CCDC144A: variants seen among roughly 807,000 people sequenced by gnomAD.
CCDC144A encodes the protein coiled-coil domain-containing protein 144A.
Under a neutral mutation model 143.8 loss-of-function variants are expected in CCDC144A, and 41 were observed. That is an observed-to-expected ratio of 0.29 (90% CI 0.22 to 0.37). The LOEUF is 0.37. Among genes scored for constraint, CCDC144A ranks in the 10% least tolerant of loss-of-function variants. The pLI is 1.00. For synonymous variants in CCDC144A, 242 were observed against 517.9 expected (o/e 0.47, Z 7.23); for missense variants, 637 against 1,488.8 (o/e 0.43, Z 9.41).
upstream of CCDC144A, among the ~76,000 whole-genome samples, chr17:16,688,484 GTTTTTTTTTTTTT>G (rs66493875): frequency 1.4e-5 from 1 of 71,622 alleles, no homozygotes; most frequent in Non-Finnish European, 2.6e-5. Flanking sequence ...TTCTTTTTCT[GTTTTTTTTTTTTT>G]TTTTTTTTTT....
intron 12 of CCDC144A, among the ~76,000 whole-genome samples, chr17:16,747,484 T>C (rs1914590635): frequency 6.6e-6 from 1 of 152,266 alleles, no homozygotes; most frequent in Non-Finnish European, 1.5e-5. Flanking sequence ...GGAATGGTAT[T>C]GAATCTGTAG....
chr17:16,714,651 T>G (rs570865295), intron 6 of CCDC144A, among the ~76,000 whole-genome samples: 136 of 152,286 alleles, frequency 8.9e-4, no homozygotes, highest in Non-Finnish European at 1.4e-3. Context: ...CTGTTTTTTT[T>G]TTTTAAAGAA....
chr17:16,667,347 A>AG, the CCDC144A span, among the ~76,000 whole-genome samples: 31 of 119,806 alleles, frequency 2.6e-4, no homozygotes, highest in East Asian at 1.6e-3. Flanking sequence ...GCGGCTGAGG[A>AG]GCTGAGGGGC....
the CCDC144A span, among the ~76,000 whole-genome samples, chr17:16,674,265 A>G: frequency 4.6e-5 from 7 of 151,926 alleles, no homozygotes; most frequent in African/African-American, 1.7e-4. Flanking sequence ...AATTACAAAA[A>G]TTGTCCAGGC....
chr17:16,668,701 G>A, the CCDC144A span, among the ~76,000 whole-genome samples: 1 of 152,056 alleles, frequency 6.6e-6, no homozygotes, highest in Non-Finnish European at 1.5e-5. Flanking sequence ...GTATTTACAT[G>A]CTGTATTAGT....
intron 8 of CCDC144A, among the ~76,000 whole-genome samples, chr17:16,725,002 ATTTTTTTTTTT>A (rs1167527388): frequency 3.5e-4 from 13 of 37,284 alleles, no homozygotes; most frequent in African/African-American, 5.0e-4. Flanking sequence ...ATAGCTGGTA[ATTTTTTTTTTT>A]TTTTTTTTTT....
the CCDC144A span, among the ~76,000 whole-genome samples, chr17:16,675,286 G>T: frequency 2.8e-5 from 4 of 144,846 alleles, no homozygotes; most frequent in African/African-American, 1.0e-4. Context: ...AAAAAAAAAA[G>T]TGGATTTTTA....
intron 12 of CCDC144A, among the ~76,000 whole-genome samples, chr17:16,750,436 C>G (rs1039668303): frequency 3.4e-5 from 5 of 145,092 alleles, no homozygotes; most frequent in African/African-American, 1.4e-4. Context: ...AAGGTTTTTG[C>G]CAGAAAGAGG....
rs559856022 is a variant in CCDC144A at position 16,753,344 on chromosome 17, T to C, written c.3373-8081T>C. The stretch of plus-strand genomic sequence containing the variant: ...TAGACTGCTTTCAGTAATAAGGTCA[T>C]TTAACCAATATTCTTCCAGTCCATG... On this transcript the variant is annotated intron_variant, in intron 12 of 16. Transcript: ENST00000399273. Among the ~76,000 whole-genome samples the C allele has an allele frequency of 2.0e-5, 3 of 152,086 alleles. No homozygotes were observed. The South Asian group carries it at 6.2e-4, about 32-fold the overall frequency.
rs1477061768 is a variant in CCDC144A at position 16,709,230 on chromosome 17, T to A, written c.1173T>A (p.Ser391=). The A allele has an allele frequency of 5.6e-6, 9 of 1,611,648 alleles. No individual in the cohort carries two copies. The highest frequency in any genetic ancestry group is 7.6e-6 in the Non-Finnish European group (9 of 1,179,676). Residue 391 remains serine, a synonymous_variant, in exon 5 of 17, where the codon TCT becomes TCA. Transcript: ENST00000399273. ...SGSQEHVCQS[S]SKFHLHENKL... Reference sequence around the variant, plus strand: ...CCCAGGAACATGTTTGCCAGTCATCTTCTAAGTTTCATTTACATGAAAATA... The same window carrying A: ...CCCAGGAACATGTTTGCCAGTCATCATCTAAGTTTCATTTACATGAAAATA...
chr17:16,716,844 C>T (rs1912784970), intron 6 of CCDC144A, among the ~76,000 whole-genome samples: 1 of 142,566 alleles, frequency 7.0e-6, no homozygotes, highest in African/African-American at 2.6e-5. Flanking sequence ...GACGCAGTCT[C>T]GCTCTGTCGC....
the CCDC144A span, among the ~76,000 whole-genome samples, chr17:16,671,977 AG>A: frequency 6.6e-6 from 1 of 152,290 alleles, no homozygotes; most frequent in South Asian, 2.1e-4. Context: ...GTACAGTTTA[AG>A]TAAAGCTACA....
intron 12 of CCDC144A, among the ~76,000 whole-genome samples, chr17:16,738,114 AT>A (rs1812897222): frequency 6.6e-6 from 1 of 151,952 alleles, no homozygotes; most frequent in African/African-American, 2.4e-5. Context: ...GTGTATATTT[AT>A]TTCATGAATT....
intron 8 of CCDC144A, among the ~76,000 whole-genome samples, chr17:16,723,737 C>T (rs1335678439): frequency 1.3e-5 from 2 of 152,152 alleles, no homozygotes; most frequent in Non-Finnish European, 2.9e-5. Context: ...GCTTGGCTCC[C>T]ATGAGCTAAT....
chr17:16,715,925 G>T (rs1237909417), intron 6 of CCDC144A, among the ~76,000 whole-genome samples: 4 of 152,232 alleles, frequency 2.6e-5, no homozygotes, highest in African/African-American at 9.6e-5. Flanking sequence ...GGCGCACGTT[G>T]ATATTGGTTG....
intron 12 of CCDC144A, among the ~76,000 whole-genome samples, chr17:16,744,550 A>T (rs1354053009): frequency 6.6e-6 from 1 of 151,764 alleles, no homozygotes; most frequent in Non-Finnish European, 1.5e-5. Context: ...GCTTTTATAT[A>T]TTTTTTTAAA....
At chr17:16,711,152 A>AAAAAAAC (rs1475359250) in intron 5 of CCDC144A, among the ~76,000 whole-genome samples, 1 of 141,422 alleles carries the variant, frequency 7.1e-6, no homozygotes, top group African/African-American at 2.6e-5. Context: ...AAAAAAAAAA[A>AAAAAAAC]AAAAAACAAA....
At chr17:16,701,945 T>G (rs961710121) in intron 2 of CCDC144A, among the ~76,000 whole-genome samples, 4 of 151,162 alleles carry the variant, frequency 2.6e-5, no homozygotes, top group South Asian at 2.1e-4. Context: ...CATACTTACC[T>G]TGCACTTAAA....
intron 15 of CCDC144A, among the ~76,000 whole-genome samples, chr17:16,770,889 A>G (rs1915800956): frequency 6.6e-6 from 1 of 151,992 alleles, no homozygotes; most frequent in African/African-American, 2.4e-5. Context: ...CCTGGATGGT[A>G]ATGCTGTTGT....
Sources: allele counts gnomAD v4.1 joint callset (sites outside exome capture counted in the v4.1 genomes callset), GRCh38; gene constraint gnomAD v4.1.1; transcripts MANE v1.5; gene names NCBI Gene and HGNC (gene_info 2026-07-23, HGNC 2026-07-21).